The following ARSB variants were observed in gnomAD, a reference collection of about 807,000 sequenced individuals.
ARSB encodes the protein N-acetylgalactosamine-4-sulfatase.
A neutral mutation model predicts 50.9 loss-of-function variants in ARSB; 41 were observed. The observed-to-expected ratio is 0.81, with a 90% CI of 0.63 to 1.04. The LOEUF (loss-of-function observed/expected upper bound fraction) is 1.04. Ranked by LOEUF, ARSB falls within the 50% of genes least tolerant of loss-of-function variation. The pLI is 0.00. For missense variants in ARSB, 672 were observed against 693.3 expected (o/e 0.97, Z 0.35); for synonymous variants, 269 against 284.8 (o/e 0.94, Z 0.56).
intron 5 of ARSB, among the ~76,000 whole-genome samples, chr5:78,856,983 G>T (rs2112080389): frequency 6.6e-6 from 1 of 152,224 alleles, no homozygotes; most frequent in East Asian, 1.9e-4. Context: ...CTCATCAGCA[G>T]AATCTAGATA....
intron 4 of ARSB, among the ~76,000 whole-genome samples, chr5:78,937,585 C>T (rs192840782): frequency 4.2e-4 from 64 of 151,270 alleles, no homozygotes; most frequent in Admixed American, 4.0e-3. Flanking sequence ...AACAATAAGA[C>T]ATTATAGCAT....
intron 1 of ARSB, 37 bp downstream of exon 1, chr5:78,984,900 G>A: frequency 7.8e-7 from 1 of 1,287,296 alleles, no homozygotes; most frequent in East Asian, 3.2e-5. Flanking sequence ...GCGAAAGGCG[G>A]GGCGGGGGCG....
At chr5:78,913,790 T>A (rs1749418483) in intron 4 of ARSB, among the ~76,000 whole-genome samples, 1 of 152,216 alleles carries the variant, frequency 6.6e-6, no homozygotes, top group Admixed American at 6.5e-5. Flanking sequence ...ATTTCTTTGC[T>A]AGCTGTAGTC....
At chr5:78,800,468 C>T (rs934901332) in intron 6 of ARSB, among the ~76,000 whole-genome samples, 13 of 152,154 alleles carry the variant, frequency 8.5e-5, no homozygotes, top group African/African-American at 2.7e-4. Context: ...AGCACTCCCC[C>T]TTAACTGACC....
chr5:78,984,855 G>T, intron 1 of ARSB, 82 bp downstream of exon 1: 1 of 1,131,810 alleles, frequency 8.8e-7, no homozygotes, highest in Non-Finnish European at 1.1e-6. Context: ...CAGCGCCCGC[G>T]GCCTCAAGGG....
chr5:78,943,661 G>A (rs560122259), intron 4 of ARSB, among the ~76,000 whole-genome samples: 33 of 152,326 alleles, frequency 2.2e-4, no homozygotes, highest in African/African-American at 7.5e-4. Flanking sequence ...TTAGTCTGAT[G>A]GGCTTCCCTT....
intron 4 of ARSB, among the ~76,000 whole-genome samples, chr5:78,913,117 T>C (rs535882480): frequency 1.9e-3 from 219 of 113,184 alleles, no homozygotes; most frequent in Non-Finnish European, 2.5e-3. Flanking sequence ...GTAGTTTTAA[T>C]TCGCTTTTTT....
At chr5:78,808,668 T>A (rs995749441) in intron 6 of ARSB, among the ~76,000 whole-genome samples, 2 of 152,150 alleles carry the variant, frequency 1.3e-5, no homozygotes, top group African/African-American at 4.8e-5. Flanking sequence ...ACTAAAGCAT[T>A]TCCCTAATTT....
At chr5:78,787,403 T>C (rs927682496) in intron 6 of ARSB, among the ~76,000 whole-genome samples, 39 of 152,322 alleles carry the variant, frequency 2.6e-4, no homozygotes, top group Non-Finnish European at 4.6e-4. Context: ...GACAGTGTAT[T>C]GGATAAACTG....
At chr5:78,808,730 G>C (rs1382872421) in intron 6 of ARSB, among the ~76,000 whole-genome samples, 2 of 152,158 alleles carry the variant, frequency 1.3e-5, no homozygotes, top group Admixed American at 6.5e-5. Context: ...GGCCACAAGG[G>C]ACCCATCTTA....
intron 6 of ARSB, among the ~76,000 whole-genome samples, chr5:78,826,728 C>G (rs1183253797): frequency 6.6e-6 from 1 of 152,114 alleles, no homozygotes; most frequent in East Asian, 1.9e-4. Context: ...AGGTGTTACC[C>G]CTCATGTATT....
At chr5:78,796,826 G>C (rs1286197095) in intron 6 of ARSB, among the ~76,000 whole-genome samples, 4 of 147,254 alleles carry the variant, frequency 2.7e-5, no homozygotes, top group Non-Finnish European at 6.0e-5. Context: ...GCTAATTTTT[G>C]TATTTTTAGT....
At chr5:78,964,683 C>A (rs961834125) in intron 2 of ARSB, 77 bp from the exon 3 acceptor site, 2 of 1,380,248 alleles carry the variant, frequency 1.4e-6, no homozygotes, top group East Asian at 2.4e-5. Flanking sequence ...CATTTAATTG[C>A]CTAATGCAAT....
intron 4 of ARSB, among the ~76,000 whole-genome samples, chr5:78,911,192 C>A (rs1749291439): frequency 6.6e-6 from 1 of 152,162 alleles, no homozygotes; most frequent in East Asian, 1.9e-4. Flanking sequence ...TAGCTACTTT[C>A]TGAAAGGTAA....
chr5:78,964,935 A>T (rs1044507885), intron 2 of ARSB, among the ~76,000 whole-genome samples: 1 of 152,198 alleles, frequency 6.6e-6, no homozygotes, highest in African/African-American at 2.4e-5. Context: ...GGTAAAAATA[A>T]TGTACAGTTA....
At chr5:78,789,617 G>T (rs1749182686) in intron 6 of ARSB, among the ~76,000 whole-genome samples, 1 of 152,166 alleles carries the variant, frequency 6.6e-6, no homozygotes, top group African/African-American at 2.4e-5. Context: ...CTGGAGGGCA[G>T]GCTGCAGCTG....
At chr5:78,927,093 G>C (rs1750088227) in intron 4 of ARSB, among the ~76,000 whole-genome samples, 1 of 152,110 alleles carries the variant, frequency 6.6e-6, no homozygotes, top group South Asian at 2.1e-4. Context: ...CTGTTTCCAA[G>C]GCTGGTCTCT....
intron 4 of ARSB, among the ~76,000 whole-genome samples, chr5:78,929,469 C>A (rs1297653697): frequency 6.6e-6 from 1 of 152,048 alleles, no homozygotes; most frequent in Non-Finnish European, 1.5e-5. Flanking sequence ...GAATTAGAGA[C>A]CACTACCATG....
At chr5:78,786,229 T>C (rs1037865616) in intron 6 of ARSB, among the ~76,000 whole-genome samples, 5 of 152,230 alleles carry the variant, frequency 3.3e-5, no homozygotes, top group African/African-American at 1.2e-4. Context: ...GGACATTTTA[T>C]ATAAATAGGA....
Sources: allele counts gnomAD v4.1 joint callset (sites outside exome capture counted in the v4.1 genomes callset), GRCh38; gene constraint gnomAD v4.1.1; transcripts MANE v1.5; gene names NCBI Gene and HGNC (gene_info 2026-07-23, HGNC 2026-07-21).